AFF3: variants seen among roughly 807,000 people sequenced by gnomAD.
AFF3 encodes ALF transcription elongation factor 3.
AFF3 carries 32 observed loss-of-function variants against 129.7 expected under a neutral mutation model. The observed-to-expected ratio is 0.25, with a 90% CI of 0.19 to 0.33. The LOEUF (loss-of-function observed/expected upper bound fraction) is 0.33. Ranked by LOEUF, AFF3 falls within the 10% of genes least tolerant of loss-of-function variation. The pLI is 1.00. For synonymous variants in AFF3, 644 were observed against 635.4 expected (o/e 1.01, Z -0.20); for missense variants, 1,373 against 1,592.0 (o/e 0.86, Z 2.34).
At chr2:99,914,444 T>C (rs1695315665) in intron 7 of AFF3, among the ~76,000 whole-genome samples, 1 of 152,180 alleles carries the variant, frequency 6.6e-6, no homozygotes, top group Admixed American at 6.5e-5. Flanking sequence ...GAGCTTGAAG[T>C]GGATCCTGGA....
At chr2:100,036,995 T>C (rs1573208229) in intron 4 of AFF3, among the ~76,000 whole-genome samples, 1 of 152,038 alleles carries the variant, frequency 6.6e-6, no homozygotes, top group Non-Finnish European at 1.5e-5. Flanking sequence ...GCCAAACAGG[T>C]AAAATCCTTC....
chr2:99,812,637 G>C (rs1304048290), intron 8 of AFF3, among the ~76,000 whole-genome samples: 2 of 152,054 alleles, frequency 1.3e-5, no homozygotes, highest in African/African-American at 4.8e-5. Flanking sequence ...ATTGTCTAAC[G>C]CAATTCCCAC....
chr2:99,699,317 C>T (rs114778475), intron 11 of AFF3, among the ~76,000 whole-genome samples: 119 of 152,228 alleles, frequency 7.8e-4, no homozygotes, highest in African/African-American at 2.8e-3. Flanking sequence ...TCACTGGGGT[C>T]AGTTCAATTT....
At chr2:99,758,700 C>T (rs545415418) in intron 8 of AFF3, among the ~76,000 whole-genome samples, 21 of 151,082 alleles carry the variant, frequency 1.4e-4, no homozygotes, top group Non-Finnish European at 2.8e-4. Flanking sequence ...TTTCAAAATA[C>T]TTCCCCATGC....
intron 7 of AFF3, among the ~76,000 whole-genome samples, chr2:99,970,834 G>A (rs972657229): frequency 1.3e-5 from 2 of 152,158 alleles, no homozygotes; most frequent in African/African-American, 2.4e-5. Context: ...CGTGTCTCAC[G>A]CACCTTTGCT....
chr2:100,004,327 T>C (rs1035550109), intron 7 of AFF3, among the ~76,000 whole-genome samples: 1 of 152,256 alleles, frequency 6.6e-6, no homozygotes. Flanking sequence ...TTGGCATGAA[T>C]ATTTTTGAAA....
intron 10 of AFF3, among the ~76,000 whole-genome samples, chr2:99,738,953 C>G (rs1244991294): frequency 6.7e-6 from 1 of 149,814 alleles, no homozygotes; most frequent in Non-Finnish European, 1.5e-5. Context: ...CTGGTACTAT[C>G]TTAGAATGTA....
intron 4 of AFF3, among the ~76,000 whole-genome samples, chr2:100,021,448 T>G (rs1037902248): frequency 6.6e-6 from 1 of 152,176 alleles, no homozygotes; most frequent in Non-Finnish European, 1.5e-5. Context: ...TTTTCAAAAT[T>G]TAGGCTGTAT....
chr2:100,116,215 T>C (rs1439660214), intron 2 of AFF3, among the ~76,000 whole-genome samples: 1 of 152,174 alleles, frequency 6.6e-6, no homozygotes, highest in African/African-American at 2.4e-5. Context: ...TTCTCCTTTT[T>C]GCCTTTCTAT....
At chr2:99,687,342 T>A (rs183174154) in intron 11 of AFF3, among the ~76,000 whole-genome samples, 190 of 152,344 alleles carry the variant, frequency 1.2e-3, no homozygotes, top group African/African-American at 4.5e-3. Context: ...AGGGAAACAC[T>A]ACCAGGACAC....
intron 22 of AFF3, among the ~76,000 whole-genome samples, chr2:99,556,326 T>C (rs1480618140): frequency 6.6e-6 from 1 of 152,136 alleles, no homozygotes; most frequent in Non-Finnish European, 1.5e-5. Flanking sequence ...ACGCCTGTAA[T>C]CCCAACTACT....
chr2:99,907,702 G>C (rs764594), intron 7 of AFF3, among the ~76,000 whole-genome samples: 134 of 151,884 alleles, frequency 8.8e-4, no homozygotes, highest in African/African-American at 3.1e-3. Flanking sequence ...ACAATGGCAC[G>C]ATCCCAGCTT....
intron 7 of AFF3, among the ~76,000 whole-genome samples, chr2:99,924,281 C>A (rs1696068682): frequency 6.6e-6 from 1 of 152,180 alleles, no homozygotes; most frequent in Non-Finnish European, 1.5e-5. Flanking sequence ...CACACAAAGA[C>A]AACAATGTAT....
chr2:99,962,850 AAAT>A (rs70940192), intron 7 of AFF3, among the ~76,000 whole-genome samples: 37,775 of 141,860 alleles, frequency 0.27, 4,933 homozygotes, highest in Middle Eastern at 0.33. Context: ...AAGAGTATTC[AAAT>A]AATAATAATA....
chr2:99,866,934 C>G (rs570464227), intron 7 of AFF3, among the ~76,000 whole-genome samples: 1 of 148,530 alleles, frequency 6.7e-6, no homozygotes, highest in East Asian at 2.0e-4. Context: ...TGAGATCACA[C>G]CACTGCACTC....
At chr2:99,587,359 C>T (rs1185520130) in intron 15 of AFF3, 81 bp from the exon 16 acceptor site, 1 of 1,547,658 alleles carries the variant, frequency 6.5e-7, no homozygotes. Flanking sequence ...TTCCACAGAG[C>T]AAGGCCTCCT....
intron 12 of AFF3, among the ~76,000 whole-genome samples, chr2:99,650,826 GTGTA>G (rs1685173480): frequency 1.3e-5 from 2 of 148,910 alleles, no homozygotes; most frequent in South Asian, 4.2e-4. Context: ...GTGTGTGTGT[GTGTA>G]TGCTGAAATT....
intron 8 of AFF3, among the ~76,000 whole-genome samples, chr2:99,792,999 C>T (rs145168035): frequency 4.9e-4 from 74 of 152,198 alleles, no homozygotes; most frequent in African/African-American, 1.6e-3. Flanking sequence ...CATCTGATCA[C>T]GGTGATATGG....
At chr2:99,953,508 G>C (rs1269788951) in intron 7 of AFF3, among the ~76,000 whole-genome samples, 1 of 152,174 alleles carries the variant, frequency 6.6e-6, no homozygotes, top group Non-Finnish European at 1.5e-5. Flanking sequence ...AAAGTGATCT[G>C]TGATTAATTT....
Sources: allele counts gnomAD v4.1 joint callset (sites outside exome capture counted in the v4.1 genomes callset), GRCh38; gene constraint gnomAD v4.1.1; transcripts MANE v1.5; gene names NCBI Gene and HGNC (gene_info 2026-07-23, HGNC 2026-07-21).